The following HSPA12A variants were observed in gnomAD, a reference collection of about 807,000 sequenced individuals.
HSPA12A encodes the protein heat shock protein family A (Hsp70) member 12A, also known as heat shock 70 kDa protein 12A.
A neutral mutation model predicts 69.2 loss-of-function variants in HSPA12A; 28 were observed. The ratio of observed to expected loss-of-function variants is 0.40; its 90% CI spans 0.30 to 0.55. The LOEUF (loss-of-function observed/expected upper bound fraction) is 0.55, where lower values mean the gene tolerates loss of function less well. Ranked by LOEUF, HSPA12A falls within the 20% of genes least tolerant of loss-of-function variation. HSPA12A has a pLI of 0.38. For synonymous variants in HSPA12A, 345 were observed against 370.5 expected, an observed-to-expected ratio of 0.93 and a Z score of 0.79; for missense variants, 686 against 900.7, an observed-to-expected ratio of 0.76 and a Z score of 3.05.
chr10:116,754,061 C>T (rs183328619), intron 2 of HSPA12A, among the ~76,000 whole-genome samples: 1 of 152,230 alleles, frequency 6.6e-6, no homozygotes, highest in Non-Finnish European at 1.5e-5. Flanking sequence ...TTCCTCTCCC[C>T]ACCCTGGCAG....
chr10:116,707,257 A>G lies in HSPA12A; in HGVS notation c.69T>C (p.Ser23=), dbSNP rs373686603. 7.3e-5 allele frequency: 117 copies of G among 1,612,872 alleles called. No homozygotes were observed. Among genetic ancestry groups the G allele is most frequent in the Non-Finnish European group, 9.3e-5 (110 of 1,179,752 alleles). ...RETAPTSAYS[S]PARSLGDTGI... ...CTGTGTCCCCAAGACTCCGGGCTGG[A>G]GATGAATATGCAGATGTGGGAGCCG... Residue 23 remains serine (S), a synonymous_variant, in exon 2 of 12, where the codon TCT becomes TCC. Transcript: ENST00000369209.
intron 1 of HSPA12A, among the ~76,000 whole-genome samples, chr10:116,734,127 C>T (rs1431055103): frequency 2.0e-5 from 3 of 152,118 alleles, no homozygotes; most frequent in Non-Finnish European, 2.9e-5. Flanking sequence ...CAAAACCCAA[C>T]AGGGCACAGT....
chr10:116,803,347 G>A (rs1844999252), intron 2 of HSPA12A, among the ~76,000 whole-genome samples: 1 of 152,236 alleles, frequency 6.6e-6, no homozygotes, highest in Non-Finnish European at 1.5e-5. Flanking sequence ...GCAGAGTGGT[G>A]AGAAAAGCCA....
At chr10:116,788,284 G>A (rs144281158) in intron 2 of HSPA12A, among the ~76,000 whole-genome samples, 3,052 of 152,226 alleles carry the variant, frequency 0.02, 47 homozygotes, top group Non-Finnish European at 0.032. Flanking sequence ...GTCCATAGGC[G>A]GGCCCACGCT....
At chr10:116,828,676 G>A (rs1018636285) in intron 2 of HSPA12A, 6 of 152,188 alleles carry the variant, frequency 3.9e-5, no homozygotes, top group East Asian at 1.9e-4. Flanking sequence ...TGGTGACAGC[G>A]GAGCATTAAA....
chr10:116,750,383 G>A (rs1284909907), intron 2 of HSPA12A: 1 of 714,476 alleles, frequency 1.4e-6, no homozygotes, highest in South Asian at 1.4e-5. Context: ...AGTCTTGGGG[G>A]GCCTTGAAGG....
Position 116,710,817 on chromosome 10 carries a change from A to C in HSPA12A, c.41-3532T>G, listed in dbSNP as rs1467060441. Among the ~76,000 whole-genome samples the C allele has an allele frequency of 1.3e-5, 2 of 152,222 alleles. No individual in the cohort carries two copies. The highest frequency in any genetic ancestry group is 2.9e-5 in the Non-Finnish European group (2 of 68,036). On this transcript the variant is annotated intron_variant, in intron 1 of 11. Coordinates refer to ENST00000369209, the MANE Select transcript of HSPA12A (RefSeq NM_025015.3). The surrounding 1 kb of genome is among the most constrained non-coding windows in gnomAD (Gnocchi z 4.1). The stretch of plus-strand genomic sequence containing the variant: ...GCGAATGTCCATCAGTACAGCACAG[A>C]AATATACACAGCCAGTAGAGACATG...
At chr10:116,776,265 CCT>C (rs1321702986) in intron 2 of HSPA12A, among the ~76,000 whole-genome samples, 1 of 152,218 alleles carries the variant, frequency 6.6e-6, no homozygotes, top group Non-Finnish European at 1.5e-5. Flanking sequence ...TGGACGCCCC[CCT>C]CTGCCTCGGG....
chr10:116,763,998 G>A (rs983546462), intron 2 of HSPA12A, among the ~76,000 whole-genome samples: 1 of 151,982 alleles, frequency 6.6e-6, no homozygotes, highest in Admixed American at 6.6e-5. Context: ...CCTTTGGGGG[G>A]GTGTTCCAGG....
intron 3 of HSPA12A, among the ~76,000 whole-genome samples, chr10:116,704,460 T>C (rs1182403274): frequency 6.6e-5 from 10 of 150,514 alleles, no homozygotes; most frequent in African/African-American, 2.5e-4. Flanking sequence ...GGGACTGTTG[T>C]GGGGTGGGGG....
chr10:116,672,400 A>G lies in HSPA12A; in HGVS notation c.*2381T>C, dbSNP rs888119773. Reference sequence around the variant, plus strand: ...GAACTGATAGAATCTGCTCCTTTCAATGGAATCTGTGACTGTTTGGGAAGG... The same window carrying G: ...GAACTGATAGAATCTGCTCCTTTCAGTGGAATCTGTGACTGTTTGGGAAGG... On this transcript the variant is annotated 3_prime_UTR_variant, in exon 12 of 12. Coordinates refer to ENST00000369209, the MANE Select transcript of HSPA12A (RefSeq NM_025015.3). 6.6e-6 allele frequency: 1 copy of G among 152,178 alleles called. No individual in the cohort carries two copies. The highest frequency in any genetic ancestry group is 2.4e-5 in the African/African-American group (1 of 41,444). 9.4% of individuals were successfully genotyped at this position (152,178 alleles called of 1,614,324 possible). A position where few individuals can be genotyped will look rare whatever the true frequency, so the allele number is the denominator to read the frequency against.
upstream of HSPA12A, among the ~76,000 whole-genome samples, chr10:116,743,364 G>T (rs77226932): frequency 2.3e-3 from 343 of 152,294 alleles, 8 homozygotes; most frequent in East Asian, 0.039. Flanking sequence ...CTGGGTCCGC[G>T]GTGTCACCAC....
At chr10:116,792,881 T>C (rs1469111526) in intron 2 of HSPA12A, among the ~76,000 whole-genome samples, 1 of 152,020 alleles carries the variant, frequency 6.6e-6, no homozygotes, top group Non-Finnish European at 1.5e-5. Flanking sequence ...TGAAACATCA[T>C]ACTGAAACTG....
chr10:116,844,588 A>G (rs1845849889), intron 1 of HSPA12A, among the ~76,000 whole-genome samples: 1 of 152,204 alleles, frequency 6.6e-6, no homozygotes, highest in South Asian at 2.1e-4. Context: ...AATAGTTAAC[A>G]TTATTATTCC....
intron 2 of HSPA12A, among the ~76,000 whole-genome samples, chr10:116,826,788 T>C (rs1324422254): frequency 6.6e-6 from 1 of 152,214 alleles, no homozygotes; most frequent in Non-Finnish European, 1.5e-5. Flanking sequence ...ATGTGGCTCT[T>C]TGTACATTTC....
intron 2 of HSPA12A, among the ~76,000 whole-genome samples, chr10:116,765,422 C>T (rs1221037867): frequency 6.6e-6 from 1 of 152,026 alleles, no homozygotes; most frequent in Non-Finnish European, 1.5e-5. Context: ...CACAGAAAGG[C>T]CAGCAAGAAG....
intron 6 of HSPA12A, among the ~76,000 whole-genome samples, chr10:116,691,827 C>T (rs1446878969): frequency 6.6e-6 from 1 of 152,272 alleles, no homozygotes; most frequent in Non-Finnish European, 1.5e-5. Flanking sequence ...TCTGCCACCT[C>T]CAACACCCCC....
Position 116,794,079 on chromosome 10 carries a change from T to C in HSPA12A, c.91+40856A>G, listed in dbSNP as rs370376209. ...TTAGCCAGGCGTGGTGGTGGGCGCC[T>C]GTAGTCCCAGCTATACTCGGGTGGC... is the stretch of plus-strand genomic sequence containing the variant. On this transcript the variant is annotated intron_variant, in intron 2 of 12. Coordinates refer to the HSPA12A transcript ENST00000635765. 9.8e-3 allele frequency among the ~76,000 whole-genome samples: 1,491 copies of C among 151,942 alleles called. 25 individuals are homozygous for C. Among genetic ancestry groups the C allele is most frequent in the African/African-American group, 0.034 (1,389 of 41,418 alleles).
intron 2 of HSPA12A, among the ~76,000 whole-genome samples, chr10:116,772,676 T>C (rs1336109004): frequency 6.6e-6 from 1 of 151,904 alleles, no homozygotes; most frequent in South Asian, 2.1e-4. Context: ...TATCTTTATT[T>C]TATTTATTTG....
Sources: allele counts gnomAD v4.1 joint callset (sites outside exome capture counted in the v4.1 genomes callset), GRCh38; gene constraint gnomAD v4.1.1; non-coding constraint Gnocchi (gnomAD v3.1); transcripts MANE v1.5; gene names NCBI Gene and HGNC (gene_info 2026-07-23, HGNC 2026-07-21).